PRKCE: variants seen among roughly 807,000 people sequenced by gnomAD.
The protein encoded by PRKCE is protein kinase C epsilon type.
PRKCE carries 16 observed loss-of-function variants against 85.4 expected under a neutral mutation model. The ratio of observed to expected loss-of-function variants is 0.19; its 90% CI spans 0.13 to 0.28. The LOEUF is 0.28. Ranked by LOEUF, PRKCE falls within the 10% of genes least tolerant of loss-of-function variation. The probability of loss-of-function intolerance (pLI) is 1.00; values close to 1 mark genes in which losing one functional copy is unlikely to be tolerated. For missense variants in PRKCE, 573 were observed against 975.2 expected (o/e 0.59, Z 5.49); for synonymous variants, 388 against 371.5 (o/e 1.04, Z -0.51).
chr2:46,115,080 G>T (rs763238967), intron 11 of PRKCE, among the ~76,000 whole-genome samples: 4 of 152,178 alleles, frequency 2.6e-5, no homozygotes, highest in Non-Finnish European at 5.9e-5. Flanking sequence ...CTATAGAATT[G>T]TTCCATCTGA....
At chr2:45,733,906 C>G (rs145717650) in intron 1 of PRKCE, among the ~76,000 whole-genome samples, 1 of 152,190 alleles carries the variant, frequency 6.6e-6, no homozygotes, top group Admixed American at 6.5e-5. Context: ...AGCCTGTGCA[C>G]ATGGCATTCA....
chr2:46,118,203 T>C (rs1018959604), intron 11 of PRKCE, among the ~76,000 whole-genome samples: 2 of 152,180 alleles, frequency 1.3e-5, no homozygotes, highest in South Asian at 2.1e-4. Context: ...TTGAGGTTGT[T>C]TAGAATGACG....
At chr2:45,714,472 A>T (rs1679925392) in intron 1 of PRKCE, among the ~76,000 whole-genome samples, 1 of 152,272 alleles carries the variant, frequency 6.6e-6, no homozygotes, top group Non-Finnish European at 1.5e-5. Flanking sequence ...GATGTGCTCA[A>T]GGTCAAAAAG....
At chr2:45,801,764 C>G (rs1041155618) in intron 1 of PRKCE, among the ~76,000 whole-genome samples, 3 of 152,108 alleles carry the variant, frequency 2.0e-5, no homozygotes, top group Non-Finnish European at 1.5e-5. Context: ...TGTGTCCTGG[C>G]TGTCCATGGG....
intron 11 of PRKCE, among the ~76,000 whole-genome samples, chr2:46,097,322 T>C (rs902614760): frequency 9.2e-5 from 14 of 151,974 alleles, no homozygotes; most frequent in Non-Finnish European, 2.1e-4. Flanking sequence ...ATCGAGACCA[T>C]CCTGGCTAAC....
chr2:45,780,393 C>A (rs956888084), intron 1 of PRKCE, among the ~76,000 whole-genome samples: 4 of 152,112 alleles, frequency 2.6e-5, no homozygotes, highest in Non-Finnish European at 4.4e-5. Context: ...CCCATGGTGT[C>A]TTTTAACCTG....
intron 2 of PRKCE, among the ~76,000 whole-genome samples, chr2:45,904,931 G>A (rs953792794): frequency 6.6e-6 from 1 of 152,196 alleles, no homozygotes; most frequent in Non-Finnish European, 1.5e-5. Flanking sequence ...GGGGAGCTGG[G>A]GGTCCACGTG....
At chr2:45,936,567 C>T (rs548196670) in intron 2 of PRKCE, among the ~76,000 whole-genome samples, 200 of 152,262 alleles carry the variant, frequency 1.3e-3, no homozygotes, top group Non-Finnish European at 2.5e-3. Context: ...TAGTGTGCCC[C>T]CGTGTGGCTC....
intron 14 of PRKCE, among the ~76,000 whole-genome samples, chr2:46,181,454 C>T (rs1679970737): frequency 6.6e-6 from 1 of 152,162 alleles, no homozygotes; most frequent in Admixed American, 6.5e-5. Context: ...CTCTCAAATG[C>T]CACAGATGAT....
At position 46,049,550 on chromosome 2, in the gene PRKCE, G is replaced by C. The variant is rs552594073; in HGVS notation, c.1438-36658G>C. On this transcript the variant is annotated intron_variant, in intron 10 of 14. Coordinates refer to ENST00000306156, the MANE Select transcript of PRKCE (RefSeq NM_005400.3). ...CAGCCAAGGTAGTTTCTGCCTGATT[G>C]TTCCTAAGCAGACTCTGGTCAAGGG... is the stretch of plus-strand genomic sequence containing the variant. Among the ~76,000 whole-genome samples the C allele has an allele frequency of 3.3e-5, 5 of 152,322 alleles. No homozygotes were observed. In the South Asian group the frequency reaches 1.0e-3, roughly 32 times the overall value.
chr2:46,151,363 C>T, intron 13 of PRKCE, 134 bp downstream of exon 13: 2 of 959,494 alleles, frequency 2.1e-6, no homozygotes, highest in East Asian at 2.7e-5. Context: ...CTCCCTCCCA[C>T]CTCTGCTCAT....
chr2:45,946,441 A>G (rs1436556052), intron 2 of PRKCE, among the ~76,000 whole-genome samples: 1 of 152,208 alleles, frequency 6.6e-6, no homozygotes, highest in African/African-American at 2.4e-5. Flanking sequence ...AAGCAGGTAC[A>G]ATGGAAACAT....
chr2:45,828,386 C>T (rs1000357136), intron 1 of PRKCE, among the ~76,000 whole-genome samples: 22 of 152,212 alleles, frequency 1.4e-4, no homozygotes, highest in Middle Eastern at 3.4e-3. Context: ...GGCAACAGAG[C>T]GAGACTCCGT....
chr2:45,830,138 G>T (rs1008962786), intron 1 of PRKCE, among the ~76,000 whole-genome samples: 1 of 151,978 alleles, frequency 6.6e-6, no homozygotes, highest in African/African-American at 2.4e-5. Context: ...AATGGTTTGG[G>T]GAGAACTAGC....
At chr2:46,076,468 CTAAT>C (rs898472342) in intron 10 of PRKCE, among the ~76,000 whole-genome samples, 1 of 152,088 alleles carries the variant, frequency 6.6e-6, no homozygotes, top group Non-Finnish European at 1.5e-5. Flanking sequence ...ATAAGCAACT[CTAAT>C]TAGAGGCAGG....
intron 1 of PRKCE, among the ~76,000 whole-genome samples, chr2:45,798,849 A>G (rs1308668114): frequency 6.6e-6 from 1 of 151,930 alleles, no homozygotes; most frequent in Non-Finnish European, 1.5e-5. Context: ...TTATGGGCAC[A>G]TAATTGGTGT....
At chr2:45,853,620 G>T (rs1382844789) in intron 2 of PRKCE, among the ~76,000 whole-genome samples, 1 of 152,144 alleles carries the variant, frequency 6.6e-6, no homozygotes, top group Non-Finnish European at 1.5e-5. Context: ...TAGGTGCTGC[G>T]TACACAGTAG....
intron 14 of PRKCE, among the ~76,000 whole-genome samples, chr2:46,174,049 G>T (rs867619801): frequency 5.3e-5 from 8 of 152,226 alleles, no homozygotes; most frequent in Admixed American, 1.3e-4. Context: ...CGGTCTGAGA[G>T]AATTTGGTCC....
intron 10 of PRKCE, among the ~76,000 whole-genome samples, chr2:46,035,494 A>G (rs1200770791): frequency 6.6e-6 from 1 of 152,164 alleles, no homozygotes. Context: ...TCCCCACCTC[A>G]TAACTCCCCT....
Sources: allele counts gnomAD v4.1 joint callset (sites outside exome capture counted in the v4.1 genomes callset), GRCh38; gene constraint gnomAD v4.1.1; transcripts MANE v1.5; gene names NCBI Gene and HGNC (gene_info 2026-07-23, HGNC 2026-07-21).